Variants in YTHDC2 observed in about 807,000 individuals in gnomAD.
The protein encoded by YTHDC2 is 3'-5' RNA helicase YTHDC2.
In YTHDC2, 45 loss-of-function variants were observed where a neutral mutation model predicts 174.9. The observed-to-expected ratio is 0.26, with a 90% CI of 0.20 to 0.33. YTHDC2 has a LOEUF of 0.33. Among genes scored for constraint, YTHDC2 ranks in the 10% least tolerant of loss-of-function variants. YTHDC2 has a pLI of 1.00. For missense variants in YTHDC2, 1,650 were observed against 1,723.7 expected (o/e 0.96, Z 0.76); for synonymous variants, 657 against 574.5 (o/e 1.14, Z -2.05).
At chr5:113,568,686 C>T (rs1777518002) in intron 23 of YTHDC2, among the ~76,000 whole-genome samples, 2 of 152,140 alleles carry the variant, frequency 1.3e-5, no homozygotes, top group Admixed American at 6.5e-5. Flanking sequence ...CAGCCATGTC[C>T]CTGCAAAGGA....
At chr5:113,546,134 A>T (rs1267019639) in intron 10 of YTHDC2, among the ~76,000 whole-genome samples, 4 of 152,202 alleles carry the variant, frequency 2.6e-5, no homozygotes, top group Non-Finnish European at 2.9e-5. Context: ...CCATTATTTT[A>T]AAAAATATTT....
chr5:113,553,031 C>T (rs1776353252), intron 12 of YTHDC2, 150 bp from the exon 13 acceptor site: 1 of 793,854 alleles, frequency 1.3e-6, no homozygotes, highest in Non-Finnish European at 1.8e-6. Flanking sequence ...GAATAATGTG[C>T]TTGAAATCAA....
intron 10 of YTHDC2, among the ~76,000 whole-genome samples, chr5:113,543,814 T>G (rs180762069): frequency 2.0e-5 from 3 of 152,222 alleles, no homozygotes; most frequent in Non-Finnish European, 4.4e-5. Context: ...CTTTGGGACT[T>G]TGTTTTGTTG....
intron 23 of YTHDC2, among the ~76,000 whole-genome samples, chr5:113,575,954 G>A (rs1292313008): frequency 7.4e-6 from 1 of 135,182 alleles, no homozygotes; most frequent in Non-Finnish European, 1.6e-5. Flanking sequence ...GGGTAGTAAG[G>A]GAAAGGGAGG....
At position 113,593,259 on chromosome 5, in the gene YTHDC2, A is replaced by G. The variant is rs370881129; in HGVS notation, c.4213-44A>G. On this transcript the variant is annotated intron_variant, in intron 28 of 29. Transcript: ENST00000161863. ...TAGGTTTTGGTCATTAAAAATTTTC[A>G]CTCCAGTTCTTTTTATGTTTATTTT... 11 of 1,500,098 alleles carry G rather than the reference A, an allele frequency of 7.3e-6. No homozygotes were observed. In the African/African-American group the frequency reaches 8.4e-5, roughly 11 times the overall value. 92.9% of individuals were successfully genotyped at this position (1,500,098 alleles called of 1,614,324 possible). A position where few individuals can be genotyped will look rare whatever the true frequency, so the allele number is the denominator to read the frequency against.
intron 9 of YTHDC2, 98 bp from the exon 10 acceptor site, chr5:113,542,270 G>T: frequency 8.1e-7 from 1 of 1,236,276 alleles, no homozygotes; most frequent in Non-Finnish European, 1.2e-6. Flanking sequence ...ATTATCATAG[G>T]ATTAGTAGTC....
intron 18 of YTHDC2, among the ~76,000 whole-genome samples, 168 bp from the exon 19 acceptor site, chr5:113,563,205 A>G (rs1410924844): frequency 6.6e-6 from 1 of 152,180 alleles, no homozygotes; most frequent in African/African-American, 2.4e-5. Context: ...CATCTAGGGC[A>G]AAGTATGAGC....
At chr5:113,575,917 G>A (rs1409466193) in intron 23 of YTHDC2, among the ~76,000 whole-genome samples, 1 of 151,714 alleles carries the variant, frequency 6.6e-6, no homozygotes, top group African/African-American at 2.4e-5. Context: ...TTATTTTGAA[G>A]GTACTAGTAA....
At chr5:113,584,580 T>C in intron 26 of YTHDC2, 101 bp downstream of exon 26, 4 of 1,093,704 alleles carry the variant, frequency 3.7e-6, no homozygotes, top group Non-Finnish European at 5.1e-6. Flanking sequence ...TTTCTAATTG[T>C]GGCCTCTTCT....
intron 26 of YTHDC2, among the ~76,000 whole-genome samples, chr5:113,585,786 G>A (rs1461308969): frequency 6.6e-6 from 1 of 151,566 alleles, no homozygotes; most frequent in Non-Finnish European, 1.5e-5. Context: ...ATAAGATTCA[G>A]TGTATCAACA....
At chr5:113,588,421 G>C (rs947657272) in intron 26 of YTHDC2, among the ~76,000 whole-genome samples, 1 of 151,628 alleles carries the variant, frequency 6.6e-6, no homozygotes. Context: ...GTTCATGAGG[G>C]GTATTATTCT....
intron 17 of YTHDC2, among the ~76,000 whole-genome samples, chr5:113,558,783 G>A (rs182771786): frequency 7.6e-4 from 116 of 151,978 alleles, no homozygotes; most frequent in African/African-American, 2.6e-3. Context: ...TTAGCCAGGT[G>A]TGGGGGTGGG....
intron 10 of YTHDC2, 89 bp downstream of exon 10, chr5:113,542,592 T>C (rs1775563963): frequency 5.0e-6 from 6 of 1,206,898 alleles, no homozygotes; most frequent in Admixed American, 3.0e-5. Flanking sequence ...CTACCAATAA[T>C]TGCACAACCA....
At chr5:113,570,737 G>C (rs1446249029) in intron 23 of YTHDC2, among the ~76,000 whole-genome samples, 1 of 151,952 alleles carries the variant, frequency 6.6e-6, no homozygotes, top group African/African-American at 2.4e-5. Flanking sequence ...TGCAACCTCC[G>C]CCTTCTGGGT....
chr5:113,567,552 T>C (rs1777428917), intron 22 of YTHDC2, 102 bp from the exon 23 acceptor site: 2 of 1,049,876 alleles, frequency 1.9e-6, no homozygotes, highest in Non-Finnish European at 1.3e-6. Flanking sequence ...CGTACTAATA[T>C]ACATCATCTA....
intron 19 of YTHDC2, 109 bp from the exon 20 acceptor site, chr5:113,563,750 G>A: frequency 7.8e-7 from 1 of 1,287,098 alleles, no homozygotes; most frequent in South Asian, 1.5e-5. Flanking sequence ...ATGAGATGTA[G>A]TAGCAAAAGA....
Position 113,513,806 on chromosome 5 carries a change from T to G in YTHDC2, c.-90T>G. ...ACAGGCCGTCTCCGGAGCTTCCCGG[T>G]AGTGGCCCCGGATTCCCACGGTCTT... On this transcript the variant is annotated 5_prime_UTR_variant, in exon 1 of 30. Coordinates refer to ENST00000161863, the MANE Select transcript of YTHDC2 (RefSeq NM_022828.5). The G allele has an allele frequency of 7.1e-7, 1 of 1,400,072 alleles. No homozygotes were observed. Among genetic ancestry groups the G allele is most frequent in the Non-Finnish European group, 9.4e-7 (1 of 1,059,392 alleles). The allele number at this position is 1,400,072 out of a possible 1,614,324, so 86.7% of individuals were successfully genotyped here. A position where few individuals can be genotyped will look rare whatever the true frequency, so the allele number is the denominator to read the frequency against.
At chr5:113,520,057 CT>C (rs1371351561) in intron 2 of YTHDC2, among the ~76,000 whole-genome samples, 2 of 152,150 alleles carry the variant, frequency 1.3e-5, no homozygotes, top group Non-Finnish European at 2.9e-5. Flanking sequence ...TCCTTTCCCC[CT>C]AATCCCTGAC....
intron 2 of YTHDC2, among the ~76,000 whole-genome samples, chr5:113,523,669 A>G (rs1774025747): frequency 6.6e-6 from 1 of 152,124 alleles, no homozygotes; most frequent in South Asian, 2.1e-4. Context: ...AATTCATTGA[A>G]ATATTCAATA....
Sources: allele counts gnomAD v4.1 joint callset (sites outside exome capture counted in the v4.1 genomes callset), GRCh38; gene constraint gnomAD v4.1.1; transcripts MANE v1.5; gene names NCBI Gene and HGNC (gene_info 2026-07-23, HGNC 2026-07-21).